The following MKNK1 variants were observed in gnomAD, a reference collection of about 807,000 sequenced individuals.
The protein encoded by MKNK1 is MAP kinase-interacting serine/threonine-protein kinase 1.
Under a neutral mutation model 49.3 loss-of-function variants are expected in MKNK1, and 30 were observed. That is an observed-to-expected ratio of 0.61 (90% CI 0.46 to 0.83). The LOEUF is 0.83. Among genes scored for constraint, MKNK1 ranks in the 40% least tolerant of loss-of-function variants. The probability of loss-of-function intolerance (pLI) is 0.00; values close to 1 mark genes in which losing one functional copy is unlikely to be tolerated. For synonymous variants in MKNK1, 176 were observed against 201.7 expected (o/e 0.87, Z 1.08); for missense variants, 423 against 524.7 (o/e 0.81, Z 1.89).
At chr1:46,582,334 G>C (rs564490702) in intron 3 of MKNK1, among the ~76,000 whole-genome samples, 1 of 152,306 alleles carries the variant, frequency 6.6e-6, no homozygotes, top group East Asian at 1.9e-4. Flanking sequence ...ACTGTTATTC[G>C]TAAGTGTTTT....
chr1:46,560,138 C>G, intron 12 of MKNK1, 96 bp downstream of exon 12: 1 of 1,410,910 alleles, frequency 7.1e-7, no homozygotes. Flanking sequence ...TTGGAGAAAG[C>G]TACCTGAGCC....
At chr1:46,586,179 A>G (rs1470886793) in intron 2 of MKNK1, 1 of 335,570 alleles carries the variant, frequency 3.0e-6, no homozygotes, top group Non-Finnish European at 5.9e-6. Flanking sequence ...CACTCATGGG[A>G]TAAATGCTGC....
At position 46,565,088 on chromosome 1, in the gene MKNK1, G is replaced by A. The variant is rs750118882; in HGVS notation, c.562C>T (p.Leu188=). 1.5e-5 allele frequency: 24 copies of A among 1,614,058 alleles called. No homozygotes were observed. In the South Asian group the frequency reaches 2.4e-4, roughly 16 times the overall value. The change falls in exon 9 of 13, where the codon CTG becomes TTG. Residue 188 remains leucine, a synonymous_variant. Transcript: ENST00000371945. ...GTTATGGGGGTACAGGAGTTGTTCAGTTTCATCCCACTGCCCAAGTCAAAG... is the reference window on the plus strand; with the variant it reads ...GTTATGGGGGTACAGGAGTTGTTCAATTTCATCCCACTGCCCAAGTCAAAG... ...CDFDLGSGMK[L]NNSCTPITTP... is the part of the protein sequence containing the mutation.
intron 7 of MKNK1, 65 bp downstream of exon 7, chr1:46,571,998 C>T: frequency 6.8e-7 from 1 of 1,475,028 alleles, no homozygotes. Context: ...CCTGGCCTAC[C>T]ACCTCCCTTG....
At position 46,562,613 on chromosome 1, in the gene MKNK1, C is replaced by T. The variant is rs375483077; in HGVS notation, c.804+36G>A. 3 of 1,537,702 alleles carry T rather than the reference C, an allele frequency of 2.0e-6. No homozygotes were observed. The African/African-American group carries it at 4.2e-5, about 21-fold the overall frequency. ...ATCCCCCAACCACACTGACCCCTAG[C>T]AGGGTCTACGCAGTGCTCCCTGGGG... On this transcript the variant is annotated intron_variant, in intron 10 of 12. Coordinates refer to ENST00000371945, the MANE Select transcript of MKNK1 (RefSeq NM_001135553.4).
In MKNK1 at chr1:46,557,907, T is replaced by C. The variant is rs1667269012; in HGVS notation, c.*668A>G. 6.6e-6 allele frequency: 1 copy of C among 152,384 alleles called. No individual in the cohort carries two copies. The highest frequency in any genetic ancestry group is 2.1e-4 in the South Asian group (1 of 4,828). 9.4% of individuals were successfully genotyped at this position (152,384 alleles called of 1,614,324 possible). On this transcript the variant is annotated 3_prime_UTR_variant, in exon 13 of 13. Transcript: ENST00000371945. ...CCAAACTTTTTTTTTAAAAAAACGATACTACTGACTTTAGCAGCAATCACA... is the reference window on the plus strand; with the variant it reads ...CCAAACTTTTTTTTTAAAAAAACGACACTACTGACTTTAGCAGCAATCACA...
rs1667958462 is a variant in MKNK1, at chr1:46,561,459, C to T, written c.969+19G>A. On this transcript the variant is annotated intron_variant, in intron 11 of 12. Coordinates refer to ENST00000371945, the MANE Select transcript of MKNK1 (RefSeq NM_001135553.4). The stretch of plus-strand genomic sequence containing the variant: ...CAGGCCTGAAGTGGTGGAAAACACC[C>T]CTCCCTGGAGTCACTCACCCCCTGC... 1 of 1,587,350 alleles carries T rather than the reference C, an allele frequency of 6.3e-7. No individual in the cohort carries two copies. Among genetic ancestry groups the T allele is most frequent in the Admixed American group, 1.8e-5 (1 of 56,856 alleles).
At position 46,589,814 on chromosome 1, in the gene MKNK1, A is replaced by G. The variant is rs1673094890; in HGVS notation, c.-3+4299T>C. Among the ~76,000 whole-genome samples, 1 of 152,148 alleles carries G rather than the reference A, an allele frequency of 6.6e-6. No homozygotes were observed. Among genetic ancestry groups the G allele is most frequent in the Non-Finnish European group, 1.5e-5 (1 of 68,028 alleles). Reference sequence around the variant, plus strand: ...GCCCACCCTCTGGAAGAACTGTGTTACTTCTCCATAGTCTTATGAGCCACA... The same window carrying G: ...GCCCACCCTCTGGAAGAACTGTGTTGCTTCTCCATAGTCTTATGAGCCACA... On this transcript the variant is annotated intron_variant, in intron 2 of 12. Coordinates refer to ENST00000371945, the MANE Select transcript of MKNK1 (RefSeq NM_001135553.4). This position sits in a 1 kb window ranked among gnomAD's most constrained non-coding sequence, Gnocchi z 4.3.
chr1:46,565,070 G>C lies in MKNK1; in HGVS notation c.580C>G (p.Pro194Ala), dbSNP rs1557833169. 6.2e-7 allele frequency: 1 copy of C among 1,614,178 alleles called. No homozygotes were observed. The highest frequency in any genetic ancestry group is 8.5e-7 in the Non-Finnish European group (1 of 1,180,022). Residue 194 changes from proline to alanine, a missense_variant, in exon 9 of 13, where the codon CCC becomes GCC. Pro to Ala is a conservative substitution (Grantham distance 27, BLOSUM62 -1). Transcript: ENST00000371945. ...SGMKLNNSCT[P>A]ITTPELTTPC... ...GTGGTCAGCTCTGGTGTGGTTATGG[G>C]GGTACAGGAGTTGTTCAGTTTCATC...
At chr1:46,571,925 G>A (rs1033122725) in intron 7 of MKNK1, 138 bp downstream of exon 7, 2 of 714,742 alleles carry the variant, frequency 2.8e-6, no homozygotes, top group Non-Finnish European at 4.8e-6. Context: ...CAACTCCCAT[G>A]GGTGAGCATG....
At chr1:46,575,546 A>G (rs1471961414) in intron 5 of MKNK1, 1 of 152,654 alleles carries the variant, frequency 6.6e-6, no homozygotes, top group Non-Finnish European at 1.5e-5. Context: ...GCTTAATGAA[A>G]CGGCCGCGTT....
At position 46,561,652 on chromosome 1, in the gene MKNK1, A is replaced by T; in HGVS notation, c.805-10T>A. On this transcript the variant is annotated splice_polypyrimidine_tract_variant and intron_variant, in intron 10 of 12. Transcript: ENST00000371945. The stretch of plus-strand genomic sequence containing the variant: ...TTTCAAACAGCTTGTTCTAGGTACA[A>T]AAGATTCCTCCTGAGGCCACACTGC... 1 of 1,613,416 alleles carries T rather than the reference A, an allele frequency of 6.2e-7. No individual in the cohort carries two copies. The highest frequency in any genetic ancestry group is 8.5e-7 in the Non-Finnish European group (1 of 1,179,630).
intron 8 of MKNK1, among the ~76,000 whole-genome samples, chr1:46,567,810 G>A (rs1446225020): frequency 6.6e-6 from 1 of 152,202 alleles, no homozygotes; most frequent in Non-Finnish European, 1.5e-5. Context: ...TACTTAAAGA[G>A]ATCTGCTTCA....
In MKNK1 at chr1:46,595,876, C is replaced by T. The variant is rs140810075; in HGVS notation, c.-170-1596G>A. 5.4e-3 allele frequency among the ~76,000 whole-genome samples: 816 copies of T among 152,320 alleles called. 7 individuals carry two copies. Among genetic ancestry groups the T allele is most frequent in the Admixed American group, 0.031 (475 of 15,306 alleles). ...AAGTGATCCTCCCACCTCAGCCTCC[C>T]AAGTAGCTGAAACTACAGGCACGAG... On this transcript the variant is annotated intron_variant, in intron 1 of 12. Transcript: ENST00000371945.
At chr1:46,558,935 C>T (rs1238960640) in intron 12 of MKNK1, 135 bp from the exon 13 acceptor site, 11 of 714,302 alleles carry the variant, frequency 1.5e-5, no homozygotes, top group Non-Finnish European at 1.4e-5. Context: ...GGGCTGCTCT[C>T]TCCAAAGTAG....
At position 46,562,675 on chromosome 1, in the gene MKNK1, G is replaced by A. The variant is rs1462003950; in HGVS notation, c.778C>T (p.Arg260Trp). 6 of 1,559,246 alleles carry A rather than the reference G, an allele frequency of 3.8e-6. No homozygotes were observed. Among genetic ancestry groups the A allele is most frequent in the African/African-American group, 1.4e-5 (1 of 73,586 alleles). The change falls in exon 10 of 13, where the codon CGG becomes TGG. Residue 260 changes from arginine (R) to tryptophan (W), a missense_variant. By Grantham distance (101) the Arg-to-Trp change is moderately radical. Transcript: ENST00000371945. ...GHCGADCGWDRGEVCRVCQNK... is the reference protein window; with the variant it reads ...GHCGADCGWDWGEVCRVCQNK... ...TGGCACACCCTGCAGACCTCGCCCC[G>A]GTCCCAGCCACAGTCGGCCCCGCAG... is the stretch of plus-strand genomic sequence containing the variant.
At position 46,558,615 on chromosome 1, in the gene MKNK1, G is replaced by C. The variant is rs753525360; in HGVS notation, c.1199C>G (p.Ala400Gly). Residue 400 changes from alanine to glycine, a missense_variant, in exon 13 of 13, where the codon GCA becomes GGA. Ala to Gly is a moderately conservative substitution (Grantham distance 60). Transcript: ENST00000371945. ...RLARRRALAQ[A>G]GRGEDRSPPT... ...CGGGCTCCTGTCTTCACCACGGCCTGCCTGGGCCAGGGCCCGTCTCCGGGC... is the reference window on the plus strand; with the variant it reads ...CGGGCTCCTGTCTTCACCACGGCCTCCCTGGGCCAGGGCCCGTCTCCGGGC... The C allele has an allele frequency of 3.1e-6, 5 of 1,613,656 alleles. No individual in the cohort carries two copies. The African/African-American group carries it at 5.3e-5, about 17-fold the overall frequency.
In MKNK1 at chr1:46,576,557, G is replaced by C. The variant is rs1474143138; in HGVS notation, c.278+18C>G. ...AAGCGTCCCCCCAGAGAAGCAGCGA[G>C]AATCACATGATACTCACTTGTTTCC... On this transcript the variant is annotated intron_variant, in intron 5 of 12. Transcript: ENST00000371945. 2 of 1,607,312 alleles carry C rather than the reference G, an allele frequency of 1.2e-6. No homozygotes were observed. Among genetic ancestry groups the C allele is most frequent in the South Asian group, 2.2e-5 (2 of 90,888 alleles).
chr1:46,587,858 AAT>A (rs1183333599), intron 2 of MKNK1, among the ~76,000 whole-genome samples: 1 of 152,244 alleles, frequency 6.6e-6, no homozygotes, highest in South Asian at 2.1e-4. Context: ...ACTTCACATA[AAT>A]ATGTTTCCAA....
Sources: gnomAD v4.1 joint callset for allele counts (sites outside exome capture counted in the v4.1 genomes callset) on GRCh38, gnomAD v4.1.1 for gene constraint, Gnocchi (gnomAD v3.1) non-coding constraint, MANE v1.5 for transcripts, NCBI Gene and HGNC (gene_info 2026-07-23, HGNC 2026-07-21) for gene names.